Variants in CADM2 observed in about 807,000 individuals in gnomAD.
CADM2 encodes the protein cell adhesion molecule 2.
A neutral mutation model predicts 49.8 loss-of-function variants in CADM2; 12 were observed. The observed-to-expected ratio is 0.24, with a 90% confidence interval of 0.15 to 0.39. The LOEUF is 0.39. Ranked by LOEUF, CADM2 falls within the 10% of genes least tolerant of loss-of-function variation. The pLI is 1.00. For missense variants in CADM2, 378 were observed against 492.3 expected, an observed-to-expected ratio of 0.77 and a Z score of 2.20; for synonymous variants, 214 against 175.4, an observed-to-expected ratio of 1.22 and a Z score of -1.74.
intron 1 of CADM2, among the ~76,000 whole-genome samples, chr3:85,075,228 T>G (rs1018810588): frequency 2.0e-5 from 3 of 149,028 alleles, no homozygotes; most frequent in African/African-American, 7.3e-5. Context: ...GTTTTTTTGT[T>G]TTTTTTTTTT....
At chr3:85,629,505 T>C (rs868833705) in intron 1 of CADM2, among the ~76,000 whole-genome samples, 1 of 152,014 alleles carries the variant, frequency 6.6e-6, no homozygotes, top group African/African-American at 2.4e-5. Flanking sequence ...TGGTTATATA[T>C]ATTTAATTGA....
chr3:85,669,090 T>G (rs1464800827), intron 1 of CADM2, among the ~76,000 whole-genome samples: 4 of 152,250 alleles, frequency 2.6e-5, no homozygotes, highest in Non-Finnish European at 5.9e-5. Flanking sequence ...TTAAACTTGT[T>G]TACTGTACCT....
intron 1 of CADM2, among the ~76,000 whole-genome samples, chr3:85,350,558 A>T (rs542075136): frequency 1.3e-5 from 2 of 152,182 alleles, no homozygotes; most frequent in African/African-American, 4.8e-5. Context: ...TTATCCAAGT[A>T]TAACTTGTCT....
At chr3:85,054,199 T>C (rs980116731) in intron 1 of CADM2, among the ~76,000 whole-genome samples, 14 of 151,832 alleles carry the variant, frequency 9.2e-5, no homozygotes, top group African/African-American at 3.4e-4. Context: ...GCTTATCTAA[T>C]TGGAGGATCA....
chr3:85,031,747 G>C (rs2326124), intron 1 of CADM2, among the ~76,000 whole-genome samples: 134,039 of 151,598 alleles, frequency 0.88, 59,567 homozygotes, highest in African/African-American at 0.96. Context: ...GTCTCGATCT[G>C]CTGACCTCGT....
At chr3:86,058,645 C>T (rs1738266854) in intron 8 of CADM2, among the ~76,000 whole-genome samples, 1 of 151,834 alleles carries the variant, frequency 6.6e-6, no homozygotes, top group Non-Finnish European at 1.5e-5. Context: ...TATATAATAA[C>T]AATTGAATAA....
chr3:85,898,011 C>T (rs1715486753), intron 5 of CADM2, among the ~76,000 whole-genome samples: 1 of 151,944 alleles, frequency 6.6e-6, no homozygotes, highest in African/African-American at 2.4e-5. Flanking sequence ...TCATCCAGAA[C>T]ATGCTGGGCA....
chr3:84,970,062 T>TTC (rs1259179861), intron 1 of CADM2, among the ~76,000 whole-genome samples: 45 of 149,962 alleles, frequency 3.0e-4, no homozygotes, highest in African/African-American at 8.8e-4. Context: ...TTTTTTTTTT[T>TTC]TTTTTACTGC....
At chr3:86,056,649 T>C (rs1398155525) in intron 8 of CADM2, among the ~76,000 whole-genome samples, 1 of 152,148 alleles carries the variant, frequency 6.6e-6, no homozygotes, top group Non-Finnish European at 1.5e-5. Flanking sequence ...GTGGCAACAG[T>C]TTCCTTCTGC....
Position 85,172,361 on chromosome 3 carries a change from C to G in CADM2, c.61+212693C>G, listed in dbSNP as rs545917483. On this transcript the variant is annotated intron_variant, in intron 1 of 9. Transcript: ENST00000383699. ...TTAGCAAAGTAATATGAAAGCAATT[C>G]GGGGACACAAAAACAAATGAAAGAT... Among the ~76,000 whole-genome samples the G allele has an allele frequency of 2.0e-5, 3 of 152,226 alleles. No homozygotes were observed. In the South Asian group the frequency reaches 6.2e-4, roughly 32 times the overall value.
At chr3:85,788,490 C>A (rs955544121) in intron 2 of CADM2, among the ~76,000 whole-genome samples, 4 of 151,798 alleles carry the variant, frequency 2.6e-5, no homozygotes, top group Non-Finnish European at 5.9e-5. Flanking sequence ...TAATTTTTTA[C>A]AGAGAAGAAT....
chr3:86,026,581 G>T (rs1733933046), intron 8 of CADM2, among the ~76,000 whole-genome samples: 1 of 152,146 alleles, frequency 6.6e-6, no homozygotes, highest in South Asian at 2.1e-4. Flanking sequence ...TTTGTTAAAT[G>T]CTACTATCAG....
chr3:85,105,330 A>G (rs1344389096), intron 1 of CADM2, among the ~76,000 whole-genome samples: 2 of 152,230 alleles, frequency 1.3e-5, no homozygotes, highest in Non-Finnish European at 2.9e-5. Flanking sequence ...GTGAATCCAA[A>G]AAACACATGA....
At chr3:85,057,183 C>G (rs776549041) in intron 1 of CADM2, among the ~76,000 whole-genome samples, 9 of 151,994 alleles carry the variant, frequency 5.9e-5, no homozygotes, top group Non-Finnish European at 1.3e-4. Context: ...ACATGCTCAC[C>G]CATCAAATCT....
intron 1 of CADM2, among the ~76,000 whole-genome samples, chr3:85,633,923 A>G (rs1034802353): frequency 3.9e-5 from 6 of 152,088 alleles, no homozygotes; most frequent in Non-Finnish European, 8.8e-5. Flanking sequence ...AATTCTGCCT[A>G]TTTGACAAAA....
At chr3:85,893,506 T>C (rs1255302984) in intron 5 of CADM2, among the ~76,000 whole-genome samples, 2 of 152,072 alleles carry the variant, frequency 1.3e-5, no homozygotes, top group Admixed American at 1.3e-4. Context: ...GGGATCTAAT[T>C]AAACTAAAGA....
intron 8 of CADM2, among the ~76,000 whole-genome samples, chr3:85,998,780 A>G (rs888207296): frequency 1.3e-5 from 2 of 152,194 alleles, no homozygotes; most frequent in Admixed American, 6.5e-5. Flanking sequence ...AAGCCATTGG[A>G]GAAATCTAGA....
At chr3:85,897,530 A>G (rs1381503064) in intron 5 of CADM2, among the ~76,000 whole-genome samples, 1 of 151,294 alleles carries the variant, frequency 6.6e-6, no homozygotes, top group Non-Finnish European at 1.5e-5. Context: ...CGGCCTCCCA[A>G]AGTGCTGGGA....
At chr3:85,617,133 T>G (rs1159595593) in intron 1 of CADM2, among the ~76,000 whole-genome samples, 1 of 152,198 alleles carries the variant, frequency 6.6e-6, no homozygotes, top group East Asian at 1.9e-4. Flanking sequence ...CCTCACTATC[T>G]ACCTGAAGAT....
Sources: allele counts gnomAD v4.1 joint callset (sites outside exome capture counted in the v4.1 genomes callset), GRCh38; gene constraint gnomAD v4.1.1; transcripts MANE v1.5; gene names NCBI Gene and HGNC (gene_info 2026-07-23, HGNC 2026-07-21).